The following SCFD2 variants were observed in gnomAD, a reference collection of about 807,000 sequenced individuals.
SCFD2 encodes the protein sec1 family domain-containing protein 2.
A neutral mutation model predicts 58.9 loss-of-function variants in SCFD2; 54 were observed. That is an observed-to-expected ratio of 0.92 (90% CI 0.74 to 1.15). The LOEUF is 1.15. Among genes scored for constraint, SCFD2 ranks in the 50% most tolerant of loss-of-function variants. SCFD2 has a pLI of 0.00. For missense variants in SCFD2, 805 were observed against 836.6 expected (o/e 0.96, Z 0.47); for synonymous variants, 321 against 335.9 (o/e 0.96, Z 0.49).
At chr4:53,311,495 G>C (rs1732687743) in intron 3 of SCFD2, among the ~76,000 whole-genome samples, 1 of 152,002 alleles carries the variant, frequency 6.6e-6, no homozygotes, top group Admixed American at 6.6e-5. Context: ...TAGAAAAGTA[G>C]TTTGTTGCTC....
At chr4:53,176,765 A>G (rs891946566) in intron 4 of SCFD2, among the ~76,000 whole-genome samples, 3 of 152,134 alleles carry the variant, frequency 2.0e-5, no homozygotes, top group Non-Finnish European at 2.9e-5. Flanking sequence ...GCCTGCCCAC[A>G]TGGTGAAATC....
Position 53,051,257 on chromosome 4 carries a change from C to T in SCFD2, c.1561+94076G>A, listed in dbSNP as rs192007056. 1.1e-4 allele frequency among the ~76,000 whole-genome samples: 16 copies of T among 152,210 alleles called. No individual in the cohort carries two copies. The East Asian group carries it at 3.1e-3, about 29-fold the overall frequency. On this transcript the variant is annotated intron_variant, in intron 5 of 8. Coordinates refer to ENST00000401642, the MANE Select transcript of SCFD2 (RefSeq NM_152540.4). Reference sequence around the variant, plus strand: ...ATGGCAGACTGGTTAGACTCTGATCCCTTAAATTTTCTTCTTCTTGGTACT... The same window carrying T: ...ATGGCAGACTGGTTAGACTCTGATCTCTTAAATTTTCTTCTTCTTGGTACT...
At chr4:53,298,254 G>C (rs890825928) in intron 3 of SCFD2, among the ~76,000 whole-genome samples, 3 of 152,134 alleles carry the variant, frequency 2.0e-5, no homozygotes, top group Non-Finnish European at 2.9e-5. Flanking sequence ...CCCTAATACT[G>C]TGCTTTTCCA....
In SCFD2 at chr4:52,968,489, T is replaced by C. The variant is rs200266695; in HGVS notation, c.1562-47619A>G. 5.3e-5 allele frequency among the ~76,000 whole-genome samples: 8 copies of C among 152,264 alleles called. No homozygotes were observed. In the East Asian group the frequency reaches 1.5e-3, roughly 29 times the overall value. The stretch of plus-strand genomic sequence containing the variant: ...TGGGGCAAATAGGTGATCGGGTGTA[T>C]GGGTGTGTGTGTGCATGCATGTATG... On this transcript the variant is annotated intron_variant, in intron 5 of 8. Transcript: ENST00000401642.
At chr4:53,056,313 C>T (rs1247189618) in intron 5 of SCFD2, among the ~76,000 whole-genome samples, 1 of 152,052 alleles carries the variant, frequency 6.6e-6, no homozygotes, top group African/African-American at 2.4e-5. Context: ...GGTGAGGACC[C>T]GGGGGAATGT....
chr4:53,357,734 A>G (rs6826939), intron 1 of SCFD2, among the ~76,000 whole-genome samples: 98 of 152,200 alleles, frequency 6.4e-4, no homozygotes, highest in Admixed American at 2.0e-3. Context: ...GATCGGGGAG[A>G]AAAAAAATCA....
intron 5 of SCFD2, among the ~76,000 whole-genome samples, chr4:52,982,141 G>A (rs931251689): frequency 6.6e-6 from 1 of 152,188 alleles, no homozygotes; most frequent in East Asian, 1.9e-4. Context: ...CTTTGGACAT[G>A]TGGTTATGGG....
chr4:53,294,749 C>A (rs1023813224), intron 3 of SCFD2, among the ~76,000 whole-genome samples: 5 of 152,106 alleles, frequency 3.3e-5, no homozygotes, highest in Admixed American at 3.3e-4. Flanking sequence ...CCTAGGTTTT[C>A]TTCTATGGTT....
intron 5 of SCFD2, among the ~76,000 whole-genome samples, chr4:53,021,891 G>C (rs1469471322): frequency 6.6e-6 from 1 of 152,142 alleles, no homozygotes; most frequent in East Asian, 1.9e-4. Context: ...CAGAACCCAG[G>C]TGACACTCTA....
chr4:52,983,857 T>C (rs1050838647), intron 5 of SCFD2, among the ~76,000 whole-genome samples: 6 of 152,248 alleles, frequency 3.9e-5, no homozygotes, highest in Non-Finnish European at 8.8e-5. Context: ...ATATTTGTTT[T>C]AGGAGTTAAC....
At chr4:52,983,808 T>C (rs181125298) in intron 5 of SCFD2, among the ~76,000 whole-genome samples, 38 of 152,332 alleles carry the variant, frequency 2.5e-4, no homozygotes, top group Middle Eastern at 3.4e-3. Context: ...TCCTTTCTCG[T>C]GTTGGTTTCA....
At chr4:53,345,879 T>C (rs2219990) in intron 2 of SCFD2, among the ~76,000 whole-genome samples, 8 of 152,032 alleles carry the variant, frequency 5.3e-5, no homozygotes, top group South Asian at 2.1e-4. Flanking sequence ...TTTTCACTCA[T>C]AGGTGTGAAT....
chr4:52,881,479 A>C (rs1718607611), intron 8 of SCFD2, among the ~76,000 whole-genome samples: 1 of 152,246 alleles, frequency 6.6e-6, no homozygotes, highest in African/African-American at 2.4e-5. Flanking sequence ...CCATAAAAGT[A>C]GGAATGTCTC....
In SCFD2 at chr4:52,885,814, C is replaced by T. The variant is rs747836744; in HGVS notation, c.1895G>A (p.Gly632Asp). Residue 632 changes from glycine to aspartate, a missense_variant, in exon 8 of 9, where the codon GGT becomes GAT. By Grantham distance (94) the Gly-to-Asp change is moderately conservative. This residue lies in a region of SCFD2 where 633 missense variants were observed against 646.8 expected (regional missense o/e 0.98). Coordinates refer to ENST00000401642, the MANE Select transcript of SCFD2 (RefSeq NM_152540.4). Reference sequence around the variant, plus strand: ...TTTCACTTCAGAGACTGTGACCCCACCTACCACAAAGAGGATCAGGAGGGG... The same window carrying T: ...TTTCACTTCAGAGACTGTGACCCCATCTACCACAAAGAGGATCAGGAGGGG... ...DYPLLILFVVGGVTVSEVKMV... is the reference protein window; with the variant it reads ...DYPLLILFVVDGVTVSEVKMV... 1 of 1,614,044 alleles carries T rather than the reference C, an allele frequency of 6.2e-7. No individual in the cohort carries two copies. Among genetic ancestry groups the T allele is most frequent in the Non-Finnish European group, 8.5e-7 (1 of 1,180,002 alleles).
At chr4:53,177,536 G>A (rs1232829064) in intron 4 of SCFD2, among the ~76,000 whole-genome samples, 1 of 152,188 alleles carries the variant, frequency 6.6e-6, no homozygotes, top group African/African-American at 2.4e-5. Context: ...TGGGAGAGGA[G>A]CCAAGATGGT....
At position 53,365,792 on chromosome 4, in the gene SCFD2, C is replaced by A; in HGVS notation, c.150G>T (p.Gly50=). ...ACTCTCGCAGGTGACAGTCAGGACCCCCCACCGCCTCCAGGAGACGGGTGG... is the reference window on the plus strand; with the variant it reads ...ACTCTCGCAGGTGACAGTCAGGACCACCCACCGCCTCCAGGAGACGGGTGG... ...CGSTRLLEAV[G]GPDCHLREFE... is the part of the protein sequence containing the mutation. The change falls in exon 1 of 9, where the codon GGG becomes GGT. Residue 50 remains glycine, a synonymous_variant. Coordinates refer to ENST00000401642, the MANE Select transcript of SCFD2 (RefSeq NM_152540.4). This position sits in a 1 kb window ranked among gnomAD's most constrained non-coding sequence, Gnocchi z 4.3. The A allele has an allele frequency of 6.2e-7, 1 of 1,613,952 alleles. No homozygotes were observed. Among genetic ancestry groups the A allele is most frequent in the African/African-American group, 1.3e-5 (1 of 75,024 alleles).
intron 3 of SCFD2, among the ~76,000 whole-genome samples, chr4:53,306,453 T>C (rs958880904): frequency 3.3e-5 from 5 of 152,174 alleles, no homozygotes; most frequent in African/African-American, 1.2e-4. Context: ...AAAGGAATAA[T>C]ACGTATCAGA....
chr4:53,056,603 G>C (rs1723347579), intron 5 of SCFD2, among the ~76,000 whole-genome samples: 1 of 152,052 alleles, frequency 6.6e-6, no homozygotes, highest in African/African-American at 2.4e-5. Context: ...AAAACTAGTA[G>C]AGTAGGGTGA....
At chr4:53,186,354 T>C (rs1727736314) in intron 4 of SCFD2, among the ~76,000 whole-genome samples, 1 of 152,122 alleles carries the variant, frequency 6.6e-6, no homozygotes, top group Non-Finnish European at 1.5e-5. Context: ...TGAATGCTTC[T>C]CTTTCTTGTC....
Sources: allele counts gnomAD v4.1 joint callset (sites outside exome capture counted in the v4.1 genomes callset), GRCh38; gene constraint gnomAD v4.1.1; regional missense constraint gnomAD v4.1.1; non-coding constraint Gnocchi (gnomAD v3.1); transcripts MANE v1.5; gene names NCBI Gene and HGNC (gene_info 2026-07-23, HGNC 2026-07-21).